TCF7L1: variants seen among roughly 807,000 people sequenced by gnomAD.
TCF7L1 encodes transcription factor 7-like 1.
Under a neutral mutation model 63.7 loss-of-function variants are expected in TCF7L1, and 18 were observed. That is an observed-to-expected ratio of 0.28 (90% CI 0.20 to 0.42). The LOEUF (loss-of-function observed/expected upper bound fraction) is 0.42, where lower values mean the gene tolerates loss of function less well. Ranked by LOEUF, TCF7L1 falls within the 10% of genes least tolerant of loss-of-function variation. The pLI is 1.00. For synonymous variants in TCF7L1, 355 were observed against 340.9 expected, an observed-to-expected ratio of 1.04 and a Z score of -0.46; for missense variants, 654 against 779.3, an observed-to-expected ratio of 0.84 and a Z score of 1.91.
intron 3 of TCF7L1, among the ~76,000 whole-genome samples, chr2:85,154,871 C>T (rs72840108): frequency 0.027 from 4,058 of 151,976 alleles, 86 homozygotes; most frequent in Non-Finnish European, 0.036. Context: ...GGCCAGAGTG[C>T]GGTAGCACAA....
At chr2:85,177,443 G>A (rs572030350) in intron 3 of TCF7L1, among the ~76,000 whole-genome samples, 2 of 152,364 alleles carry the variant, frequency 1.3e-5, no homozygotes, top group African/African-American at 4.8e-5. Flanking sequence ...GGTGGCTCAT[G>A]CCTGTATTCC....
chr2:85,144,702 CCTTT>C (rs2104193409), intron 3 of TCF7L1, among the ~76,000 whole-genome samples: 1 of 104,646 alleles, frequency 9.6e-6, no homozygotes, highest in Non-Finnish European at 2.1e-5. Flanking sequence ...TTCCCATCCC[CCTTT>C]CTCTCTCTCT....
chr2:85,214,029 C>A (rs983487140), intron 3 of TCF7L1, among the ~76,000 whole-genome samples: 6 of 152,208 alleles, frequency 3.9e-5, no homozygotes, highest in Non-Finnish European at 7.3e-5. Context: ...ACTCAGCCAC[C>A]TCCGGGGCGG....
chr2:85,273,637 C>T (rs1395001446), intron 3 of TCF7L1, among the ~76,000 whole-genome samples: 1 of 152,136 alleles, frequency 6.6e-6, no homozygotes, highest in Non-Finnish European at 1.5e-5. Flanking sequence ...TAGTGATTCC[C>T]CTCACAGCTG....
chr2:85,169,203 A>AGG (rs1678492599), intron 3 of TCF7L1, among the ~76,000 whole-genome samples: 1 of 151,878 alleles, frequency 6.6e-6, no homozygotes, highest in African/African-American at 2.4e-5. Flanking sequence ...CTTCCTTCTC[A>AGG]TCAGTCCTTC....
chr2:85,277,363 G>A (rs1022011933), intron 3 of TCF7L1, among the ~76,000 whole-genome samples: 1 of 152,172 alleles, frequency 6.6e-6, no homozygotes, highest in Non-Finnish European at 1.5e-5. Context: ...GACAAGGAGA[G>A]CATTTTGAAT....
intron 3 of TCF7L1, among the ~76,000 whole-genome samples, chr2:85,275,025 G>A (rs1681240172): frequency 1.3e-5 from 2 of 152,304 alleles, no homozygotes; most frequent in African/African-American, 4.8e-5. Flanking sequence ...GAAAGGTGAT[G>A]TACACAGGCA....
Position 85,279,034 on chromosome 2 carries a change from G to A in TCF7L1, c.442-4461G>A, listed in dbSNP as rs1332449888. The stretch of plus-strand genomic sequence containing the variant: ...TGGACCAGCCCGTGTACACATCTTC[G>A]CTGTGGGCTGAAGCCCAGCCACGAC... On this transcript the variant is annotated intron_variant, in intron 3 of 11. Coordinates refer to ENST00000282111, the MANE Select transcript of TCF7L1 (RefSeq NM_031283.3). 5.9e-5 allele frequency among the ~76,000 whole-genome samples: 9 copies of A among 152,320 alleles called. No individual in the cohort carries two copies. The South Asian group carries it at 1.0e-3, about 18-fold the overall frequency.
At chr2:85,204,009 A>C (rs1257393961) in intron 3 of TCF7L1, among the ~76,000 whole-genome samples, 1 of 152,128 alleles carries the variant, frequency 6.6e-6, no homozygotes, top group Non-Finnish European at 1.5e-5. Context: ...CTCATGCCAC[A>C]CTCAAATATA....
intron 3 of TCF7L1, among the ~76,000 whole-genome samples, chr2:85,197,997 T>C (rs1199192864): frequency 1.3e-5 from 2 of 152,196 alleles, no homozygotes; most frequent in Non-Finnish European, 2.9e-5. Context: ...TGTGAGGCTG[T>C]CTGCAGGACT....
At chr2:85,294,073 G>C (rs13405014) in intron 4 of TCF7L1, among the ~76,000 whole-genome samples, 69,308 of 120,994 alleles carry the variant, frequency 0.57, 18,984 homozygotes, top group East Asian at 0.9. Context: ...GTCTCCCTCT[G>C]TCGCCCAGGC....
intron 4 of TCF7L1, among the ~76,000 whole-genome samples, chr2:85,294,137 C>T (rs1200983886): frequency 1.3e-5 from 2 of 150,494 alleles, no homozygotes; most frequent in South Asian, 2.1e-4. Context: ...CCCGGATTCA[C>T]GCCATTCGCC....
At chr2:85,179,385 T>C (rs1325197474) in intron 3 of TCF7L1, among the ~76,000 whole-genome samples, 1 of 152,166 alleles carries the variant, frequency 6.6e-6, no homozygotes, top group Non-Finnish European at 1.5e-5. Context: ...AGTGTTTGAT[T>C]CGGGGATTCT....
intron 3 of TCF7L1, among the ~76,000 whole-genome samples, chr2:85,148,262 A>G (rs1302153350): frequency 6.6e-6 from 1 of 152,160 alleles, no homozygotes; most frequent in Non-Finnish European, 1.5e-5. Flanking sequence ...CCCTTTAATA[A>G]GCAGTTCCTT....
In TCF7L1 at chr2:85,208,127, C is replaced by T. The variant is rs377166135; in HGVS notation, c.441+73677C>T. On this transcript the variant is annotated intron_variant, in intron 3 of 11. Coordinates refer to ENST00000282111, the MANE Select transcript of TCF7L1 (RefSeq NM_031283.3). Reference sequence around the variant, plus strand: ...TTCACCGTGTTAGCCAGGATGGTCTCGATCTCCTGACCTTGTGATCCACCA... The same window carrying T: ...TTCACCGTGTTAGCCAGGATGGTCTTGATCTCCTGACCTTGTGATCCACCA... Among the ~76,000 whole-genome samples, 18 of 152,196 alleles carry T rather than the reference C, an allele frequency of 1.2e-4. No individual in the cohort carries two copies. In the South Asian group the frequency reaches 1.9e-3, roughly 16 times the overall value.
chr2:85,238,777 T>TTTTATTTA (rs200688175), intron 3 of TCF7L1, among the ~76,000 whole-genome samples: 9 of 139,452 alleles, frequency 6.5e-5, no homozygotes, highest in South Asian at 2.5e-4. Context: ...TTTTGGAGCA[T>TTTTATTTA]TTTATTTATT....
Position 85,219,686 on chromosome 2 carries a change from C to G in TCF7L1, c.442-63809C>G, listed in dbSNP as rs550662516. On this transcript the variant is annotated intron_variant, in intron 3 of 11. Transcript: ENST00000282111. ...CTTGAACCCAGGAGTTTAAGACCAG[C>G]ATGGGCAGCATAGTGAGACCTCATC... Among the ~76,000 whole-genome samples the G allele has an allele frequency of 6.6e-5, 10 of 152,092 alleles. No individual in the cohort carries two copies. The South Asian group carries it at 1.9e-3, about 29-fold the overall frequency.
intron 3 of TCF7L1, among the ~76,000 whole-genome samples, chr2:85,200,085 T>C: frequency 6.6e-6 from 1 of 152,248 alleles, no homozygotes; most frequent in East Asian, 1.9e-4. Flanking sequence ...CTGTACTTCA[T>C]TCCATTTTAT....
rs535211846 is a variant in TCF7L1 at position 85,145,010 on chromosome 2, G to A, written c.441+10560G>A. Among the ~76,000 whole-genome samples the A allele has an allele frequency of 2.4e-4, 36 of 151,580 alleles. 1 individual carries two copies. Among genetic ancestry groups the A allele is most frequent in the South Asian group, 1.0e-3 (5 of 4,762 alleles). Reference sequence around the variant, plus strand: ...TGAGGCGGGAGAATTGCTTGGACCCGGGAGGCAGAGGCTGCAGTGAGCCAA... The same window carrying A: ...TGAGGCGGGAGAATTGCTTGGACCCAGGAGGCAGAGGCTGCAGTGAGCCAA... On this transcript the variant is annotated intron_variant, in intron 3 of 11. Coordinates refer to ENST00000282111, the MANE Select transcript of TCF7L1 (RefSeq NM_031283.3).
Sources: gnomAD v4.1 joint callset for allele counts (sites outside exome capture counted in the v4.1 genomes callset) on GRCh38, gnomAD v4.1.1 for gene constraint, MANE v1.5 for transcripts, NCBI Gene and HGNC (gene_info 2026-07-23, HGNC 2026-07-21) for gene names.